Variants in IL1RAPL2 observed in about 807,000 individuals in gnomAD.
The protein encoded by IL1RAPL2 is X-linked interleukin-1 receptor accessory protein-like 2.
IL1RAPL2 carries 3 observed loss-of-function variants against 44.1 expected under a neutral mutation model. The observed-to-expected ratio is 0.07, with a 90% CI of 0.03 to 0.18. IL1RAPL2 has a LOEUF of 0.18. IL1RAPL2 is among the 10% of genes least tolerant of loss of function. The probability of loss-of-function intolerance (pLI) is 1.00; values close to 1 mark genes in which losing one functional copy is unlikely to be tolerated. For missense variants in IL1RAPL2, 391 were observed against 496.4 expected (o/e 0.79, Z 2.02); for synonymous variants, 181 against 178.8 (o/e 1.01, Z -0.10).
intron 2 of IL1RAPL2, among the ~76,000 whole-genome samples, chrX:104,670,729 A>C (rs1930580438): frequency 9.0e-6 from 1 of 111,554 alleles, no homozygotes; most frequent in African/African-American, 3.3e-5. Context: ...CCTAATAGGT[A>C]GTCACCCCAC....
chrX:105,703,244 GT>G (rs776410443), intron 6 of IL1RAPL2, among the ~76,000 whole-genome samples: 2 of 111,293 alleles, frequency 1.8e-5, no homozygotes, highest in East Asian at 5.7e-4. Context: ...ACATCCCTCA[GT>G]TTTGAGAAGT....
chrX:105,239,629 G>C (rs782454088), intron 4 of IL1RAPL2, among the ~76,000 whole-genome samples: 20 of 88,020 alleles, frequency 2.3e-4, no homozygotes, highest in African/African-American at 5.2e-4. Context: ...AAACTTCCCT[G>C]GGTAGCTTTA....
chrX:104,851,270 A>C (rs1922218497), intron 2 of IL1RAPL2, among the ~76,000 whole-genome samples: 1 of 111,923 alleles, frequency 8.9e-6, no homozygotes, highest in South Asian at 3.7e-4. Flanking sequence ...ATTCACAAAA[A>C]TTTTTAGCCA....
chrX:104,836,133 T>C (rs1417521618), intron 2 of IL1RAPL2, among the ~76,000 whole-genome samples: 1 of 111,454 alleles, frequency 9.0e-6, no homozygotes, highest in Non-Finnish European at 1.9e-5. Context: ...CTGGAGGTCA[T>C]TACGTTAAGT....
intron 6 of IL1RAPL2, among the ~76,000 whole-genome samples, chrX:105,527,537 C>A (rs1173281116): frequency 1.8e-5 from 2 of 109,476 alleles, no homozygotes; most frequent in Non-Finnish European, 3.8e-5. Context: ...ACCCTTAGGG[C>A]AACTATGGTA....
chrX:105,299,605 G>A (rs747636249), intron 5 of IL1RAPL2, among the ~76,000 whole-genome samples: 113 of 111,284 alleles, frequency 1.0e-3, no homozygotes, highest in Non-Finnish European at 2.0e-3. Context: ...TCAAACAAAA[G>A]CCTTAAAATT....
intron 6 of IL1RAPL2, among the ~76,000 whole-genome samples, chrX:105,522,994 C>T (rs1394442766): frequency 1.8e-5 from 2 of 111,316 alleles, no homozygotes; most frequent in African/African-American, 6.5e-5. Context: ...AACAGCAGGA[C>T]TTAGAATCTG....
At chrX:105,174,443 TGAGCAGGGA>T (rs2033453900) in intron 2 of IL1RAPL2, among the ~76,000 whole-genome samples, 1 of 111,393 alleles carries the variant, frequency 9.0e-6, no homozygotes, top group African/African-American at 3.3e-5. Context: ...ATTTTTCCTT[TGAGCAGGGA>T]GGGCAGGGAG....
chrX:105,222,160 T>G (rs782242223), intron 3 of IL1RAPL2, among the ~76,000 whole-genome samples: 130 of 112,224 alleles, frequency 1.2e-3, no homozygotes, highest in Middle Eastern at 9.2e-3. Flanking sequence ...CCATCATTTA[T>G]GTACCTAAGG....
chrX:104,956,616 G>A (rs1435904371), intron 2 of IL1RAPL2, among the ~76,000 whole-genome samples: 2 of 110,386 alleles, frequency 1.8e-5, no homozygotes, highest in African/African-American at 6.6e-5. Context: ...CAGCCTGGGC[G>A]ACAGAGTGAG....
chrX:105,374,115 CAAAAAAA>C (rs1177602549), intron 5 of IL1RAPL2, among the ~76,000 whole-genome samples: 5 of 45,354 alleles, frequency 1.1e-4, no homozygotes, highest in South Asian at 1.3e-3. Context: ...GCAAGACTGT[CAAAAAAA>C]AAAAAAAAAA....
chrX:104,828,803 CCTTT>C (rs1921532239), intron 2 of IL1RAPL2, among the ~76,000 whole-genome samples: 1 of 112,661 alleles, frequency 8.9e-6, no homozygotes, highest in Non-Finnish European at 1.9e-5. Context: ...GGGGCTGTTG[CCTTT>C]CTTTCAGAGA....
intron 6 of IL1RAPL2, among the ~76,000 whole-genome samples, chrX:105,658,708 C>T (rs1305558741): frequency 1.8e-5 from 2 of 109,206 alleles, no homozygotes; most frequent in Non-Finnish European, 3.8e-5. Flanking sequence ...CGCCTGTAAC[C>T]CCAGCACTTT....
rs562741258 is a variant in IL1RAPL2 at position 104,791,172 on chromosome X, T to G, written c.82+132177T>G. ...CTCTCTCCCTCTGCCTTGCCTGCCC[T>G]GCCTTGCCCTGCCCTTCCCTTCCCT... On this transcript the variant is annotated intron_variant, in intron 2 of 10. Transcript: ENST00000372582. 1.6e-4 allele frequency among the ~76,000 whole-genome samples: 17 copies of G among 108,918 alleles called. No individual in the cohort carries two copies. The South Asian group carries it at 6.6e-3, about 42-fold the overall frequency. The allele number at this position is 108,918 out of a possible 115,157, so 94.6% of individuals were successfully genotyped here.
intron 2 of IL1RAPL2, among the ~76,000 whole-genome samples, chrX:104,794,479 C>A (rs1258065064): frequency 9.0e-6 from 1 of 111,180 alleles, no homozygotes; most frequent in African/African-American, 3.3e-5. Context: ...CACTAACTCA[C>A]TTTGTTGATT....
At chrX:105,276,478 G>C (rs1206349086) in intron 5 of IL1RAPL2, among the ~76,000 whole-genome samples, 1 of 112,378 alleles carries the variant, frequency 8.9e-6, no homozygotes, top group Non-Finnish European at 1.9e-5. Context: ...ACAGTGTGAG[G>C]TGGACCAGGT....
At position 105,709,913 on chromosome X, in the gene IL1RAPL2, C is replaced by T. The variant is rs61323311; in HGVS notation, c.773-7454C>T. Among the ~76,000 whole-genome samples the T allele has an allele frequency of 5.8e-3, 645 of 111,729 alleles. 5 individuals carry two copies. Among genetic ancestry groups the T allele is most frequent in the African/African-American group, 0.02 (616 of 30,799 alleles). On this transcript the variant is annotated intron_variant, in intron 6 of 10. Coordinates refer to ENST00000372582, the MANE Select transcript of IL1RAPL2 (RefSeq NM_017416.2). ...GGATTGGGGCAACTTGGTGACACAA[C>T]TATGTAAGTCTTATAACTAAACAAT... is the stretch of plus-strand genomic sequence containing the variant.
intron 2 of IL1RAPL2, among the ~76,000 whole-genome samples, chrX:105,134,190 T>C (rs1013549755): frequency 2.7e-5 from 3 of 112,186 alleles, no homozygotes; most frequent in African/African-American, 9.7e-5. Context: ...ATTGATTTAG[T>C]CATATTAGCT....
intron 2 of IL1RAPL2, among the ~76,000 whole-genome samples, chrX:105,036,785 A>G (rs1024429518): frequency 7.1e-5 from 8 of 112,083 alleles, no homozygotes; most frequent in African/African-American, 2.6e-4. Context: ...ACAGTGATGC[A>G]CAAAAATTAG....
Sources: allele counts gnomAD v4.1 joint callset (sites outside exome capture counted in the v4.1 genomes callset), GRCh38; gene constraint gnomAD v4.1.1; transcripts MANE v1.5; gene names NCBI Gene and HGNC (gene_info 2026-07-23, HGNC 2026-07-21).